The following CMSS1 variants were observed in gnomAD, a reference collection of about 807,000 sequenced individuals.
The protein encoded by CMSS1 is protein CMSS1.
Under a neutral mutation model 43.5 loss-of-function variants are expected in CMSS1, and 33 were observed. That is an observed-to-expected ratio of 0.76 (90% CI 0.57 to 1.01). CMSS1 has a LOEUF of 1.01. CMSS1 is among the 50% of genes least tolerant of loss of function. CMSS1 has a pLI of 0.00. For missense variants in CMSS1, 313 were observed against 326.4 expected, an observed-to-expected ratio of 0.96 and a Z score of 0.32; for synonymous variants, 115 against 117.2, an observed-to-expected ratio of 0.98 and a Z score of 0.12.
intron 1 of CMSS1, among the ~76,000 whole-genome samples, chr3:99,970,904 G>A (rs1246107740): frequency 6.6e-6 from 1 of 152,236 alleles, no homozygotes; most frequent in African/African-American, 2.4e-5. Flanking sequence ...CTAGAGGTGG[G>A]AAGATGGGTT....
intron 1 of CMSS1, among the ~76,000 whole-genome samples, chr3:100,111,937 T>TA (rs1414803820): frequency 6.6e-6 from 1 of 152,200 alleles, no homozygotes; most frequent in Non-Finnish European, 1.5e-5. Flanking sequence ...AAATCACTAG[T>TA]AATCAGACTC....
chr3:100,133,538 A>G (rs778976884), intron 1 of CMSS1, among the ~76,000 whole-genome samples: 11 of 152,160 alleles, frequency 7.2e-5, no homozygotes, highest in Admixed American at 2.0e-4. Context: ...GAAAAGGGTA[A>G]AAAAAGGTTT....
chr3:99,956,579 T>C (rs1209053752), intron 1 of CMSS1, among the ~76,000 whole-genome samples: 1 of 152,190 alleles, frequency 6.6e-6, no homozygotes, highest in Non-Finnish European at 1.5e-5. Flanking sequence ...ATTCCTGACC[T>C]CAGATGATCC....
chr3:99,836,827 C>T (rs1483932255), intron 1 of CMSS1, among the ~76,000 whole-genome samples: 2 of 152,204 alleles, frequency 1.3e-5, no homozygotes, highest in Non-Finnish European at 2.9e-5. Context: ...ACCTGGCTGG[C>T]CCCTCAGCCA....
At chr3:99,874,304 T>TG (rs1263378670) in intron 1 of CMSS1, 2 of 152,246 alleles carry the variant, frequency 1.3e-5, no homozygotes, top group African/African-American at 4.8e-5. Context: ...CAATAATTGA[T>TG]GGTTTCTGTT....
At chr3:99,936,114 T>C (rs1483683429) in intron 1 of CMSS1, among the ~76,000 whole-genome samples, 2 of 152,136 alleles carry the variant, frequency 1.3e-5, no homozygotes, top group African/African-American at 4.8e-5. Context: ...TGTTTTAGAA[T>C]TGTGGATGTG....
At chr3:100,159,223 GT>G (rs1186523082) in intron 2 of CMSS1, among the ~76,000 whole-genome samples, 4 of 152,178 alleles carry the variant, frequency 2.6e-5, no homozygotes, top group Admixed American at 1.3e-4. Flanking sequence ...CTCTTTGCAG[GT>G]TTTTTGTTTT....
rs558128342 is a variant in CMSS1 at position 99,852,525 on chromosome 3, A to C, written c.64+34482A>C. Among the ~76,000 whole-genome samples, 15 of 152,222 alleles carry C rather than the reference A, an allele frequency of 9.9e-5. No individual in the cohort carries two copies. The South Asian group carries it at 3.1e-3, about 32-fold the overall frequency. ...CAGTGGGGCGATCTCGACTCACTGC[A>C]ACCTCTGACTCCCTGGTTCAAGCAA... On this transcript the variant is annotated intron_variant, in intron 1 of 9. Coordinates refer to ENST00000421999, the MANE Select transcript of CMSS1 (RefSeq NM_032359.4).
chr3:100,129,694 T>A (rs2066691314), intron 1 of CMSS1, among the ~76,000 whole-genome samples: 1 of 152,188 alleles, frequency 6.6e-6, no homozygotes, highest in Non-Finnish European at 1.5e-5. Flanking sequence ...TTTTCAGCTA[T>A]CCCCAGCTCT....
chr3:100,031,506 C>A (rs765199420), intron 1 of CMSS1, among the ~76,000 whole-genome samples: 9 of 151,898 alleles, frequency 5.9e-5, no homozygotes, highest in Non-Finnish European at 1.0e-4. Flanking sequence ...AAATTCAGAG[C>A]GCAACAAGGA....
chr3:100,026,195 C>G (rs2064917374), intron 1 of CMSS1, among the ~76,000 whole-genome samples: 1 of 152,096 alleles, frequency 6.6e-6, no homozygotes, highest in South Asian at 2.1e-4. Flanking sequence ...AGCAGGTATC[C>G]TTTTTATGGC....
chr3:99,971,139 C>T (rs1370331831), intron 1 of CMSS1, among the ~76,000 whole-genome samples: 3 of 152,130 alleles, frequency 2.0e-5, no homozygotes, highest in Admixed American at 6.5e-5. Flanking sequence ...AGATCGAGAC[C>T]ATCCTGGCTA....
intron 1 of CMSS1, among the ~76,000 whole-genome samples, chr3:100,094,674 CTTTTTTTTTTTTTT>C (rs71132509): frequency 1.8e-5 from 1 of 56,998 alleles, no homozygotes; most frequent in Non-Finnish European, 3.2e-5. Context: ...GAAAAGCTGC[CTTTTTTTTTTTTTT>C]TTTTTTTTTT....
intron 1 of CMSS1, among the ~76,000 whole-genome samples, chr3:99,876,630 C>G (rs1303246616): frequency 3.3e-5 from 5 of 152,076 alleles, no homozygotes; most frequent in Non-Finnish European, 5.9e-5. Context: ...GGAGACATCT[C>G]TGGGGGTGAT....
At chr3:100,159,111 A>G (rs958527801) in intron 2 of CMSS1, among the ~76,000 whole-genome samples, 19 of 152,224 alleles carry the variant, frequency 1.2e-4, no homozygotes, top group African/African-American at 3.9e-4. Context: ...TCTAATTGGC[A>G]TGTACCAGCA....
intron 1 of CMSS1, among the ~76,000 whole-genome samples, chr3:100,012,318 T>C (rs1710181043): frequency 6.6e-6 from 1 of 152,152 alleles, no homozygotes; most frequent in Non-Finnish European, 1.5e-5. Context: ...TAAAAATAAT[T>C]TCAGTGCTGT....
intron 1 of CMSS1, among the ~76,000 whole-genome samples, chr3:100,097,805 C>T (rs2066236854): frequency 6.6e-6 from 1 of 152,158 alleles, no homozygotes; most frequent in Non-Finnish European, 1.5e-5. Context: ...CAGGATTAGG[C>T]CTCCATTTCA....
At position 100,162,344 on chromosome 3, in the gene CMSS1, AG is replaced by A. The variant is rs777322679; in HGVS notation, c.270del (p.Leu91TyrfsTer8). Reference sequence around the variant, plus strand: ...TTCTTGCAAAATCAGAACCAAAACCAGGGTTACCTGAAGACCTACAGAAGCT... The same window carrying A: ...TTCTTGCAAAATCAGAACCAAAACCAGGTTACCTGAAGACCTACAGAAGCT... ...DVLAKSEPKP[G>X]LPEDLQKLMK... On this transcript the variant is annotated frameshift_variant, in exon 4 of 10. Coordinates refer to ENST00000421999, the MANE Select transcript of CMSS1 (RefSeq NM_032359.4). LOFTEE classifies it high-confidence loss of function. 6.2e-6 allele frequency: 10 copies of A among 1,613,132 alleles called. No homozygotes were observed. Among genetic ancestry groups the A allele is most frequent in the African/African-American group, 1.3e-5 (1 of 74,876 alleles).
At chr3:100,100,117 T>C (rs974571756) in intron 1 of CMSS1, among the ~76,000 whole-genome samples, 4 of 151,952 alleles carry the variant, frequency 2.6e-5, no homozygotes, top group African/African-American at 9.7e-5. Context: ...GATAAGAGAA[T>C]GGAAAGGAAT....
Sources: allele counts gnomAD v4.1 joint callset (sites outside exome capture counted in the v4.1 genomes callset), GRCh38; gene constraint gnomAD v4.1.1; transcripts MANE v1.5; gene names NCBI Gene and HGNC (gene_info 2026-07-23, HGNC 2026-07-21).